RNF220: variants seen among roughly 807,000 people sequenced by gnomAD.
RNF220 encodes E3 ubiquitin-protein ligase RNF220.
In RNF220, 7 loss-of-function variants were observed where a neutral mutation model predicts 67.1. The observed-to-expected ratio is 0.10, with a 90% CI of 0.06 to 0.20. RNF220 has a LOEUF of 0.20. Among genes scored for constraint, RNF220 ranks in the 10% least tolerant of loss-of-function variants. The pLI is 1.00. For missense variants in RNF220, 565 were observed against 740.3 expected (o/e 0.76, Z 2.75); for synonymous variants, 270 against 283.2 (o/e 0.95, Z 0.47).
intron 2 of RNF220, among the ~76,000 whole-genome samples, chr1:44,512,727 G>T (rs187853338): frequency 6.6e-6 from 1 of 152,324 alleles, no homozygotes; most frequent in East Asian, 1.9e-4. Flanking sequence ...GAGTGGAGAG[G>T]CATGCTGGGC....
At chr1:44,474,600 T>C (rs751768742) in intron 2 of RNF220, among the ~76,000 whole-genome samples, 9 of 151,264 alleles carry the variant, frequency 5.9e-5, no homozygotes, top group Non-Finnish European at 1.0e-4. Context: ...TCCCAGCTAC[T>C]TGGGAAGCTG....
chr1:44,637,444 T>C lies in RNF220; in HGVS notation c.1126+1282T>C, dbSNP rs149561053. On this transcript the variant is annotated intron_variant, in intron 8 of 14. Coordinates refer to ENST00000361799, the MANE Select transcript of RNF220 (RefSeq NM_018150.4). ...GAGTGAGCAGCAGGGCTGACGACTG[T>C]CCCATGAGTTGGACACATGGGTGTC... Among the ~76,000 whole-genome samples, 12 of 152,346 alleles carry C rather than the reference T, an allele frequency of 7.9e-5. No individual in the cohort carries two copies. The Middle Eastern group carries it at 0.01, about 130-fold the overall frequency.
chr1:44,408,363 C>T (rs1647609986), intron 1 of RNF220, among the ~76,000 whole-genome samples: 1 of 152,330 alleles, frequency 6.6e-6, no homozygotes, highest in African/African-American at 2.4e-5. Flanking sequence ...ACACAGGCGT[C>T]GGCCCTAGCC....
intron 2 of RNF220, among the ~76,000 whole-genome samples, chr1:44,453,307 A>G (rs1434283811): frequency 2.0e-5 from 3 of 152,104 alleles, no homozygotes; most frequent in African/African-American, 4.8e-5. Flanking sequence ...GTCTTATTGC[A>G]CTAGTTAGGA....
At chr1:44,546,130 C>T (rs1224643567) in intron 2 of RNF220, among the ~76,000 whole-genome samples, 2 of 152,094 alleles carry the variant, frequency 1.3e-5, no homozygotes, top group East Asian at 1.9e-4. Context: ...AATAAGCACC[C>T]GAGATGACTC....
chr1:44,406,210 G>A (rs909277508), intron 1 of RNF220, among the ~76,000 whole-genome samples: 4 of 152,138 alleles, frequency 2.6e-5, no homozygotes, highest in African/African-American at 9.7e-5. Context: ...TTCCTAGCGG[G>A]GGCGGGTGTG....
chr1:44,412,217 C>A lies in RNF220; in HGVS notation c.120C>A (p.Ile40=). The change falls in exon 2 of 15, where the codon ATC becomes ATA. Residue 40 remains isoleucine, a synonymous_variant. Transcript: ENST00000361799. This position sits in a 1 kb window ranked among gnomAD's most constrained non-coding sequence, Gnocchi z 5.3. The part of the protein sequence containing the change: ...STAEASRDAS[I]PCQQPRPFGV... Reference sequence around the variant, plus strand: ...CTGAGGCCAGCCGTGATGCTTCCATCCCTTGTCAGCAGCCACGACCCTTTG... The same window carrying A: ...CTGAGGCCAGCCGTGATGCTTCCATACCTTGTCAGCAGCCACGACCCTTTG... 1 of 1,614,214 alleles carries A rather than the reference C, an allele frequency of 6.2e-7. No homozygotes were observed. The highest frequency in any genetic ancestry group is 8.5e-7 in the Non-Finnish European group (1 of 1,180,030).
At chr1:44,418,670 C>T (rs1227096477) in intron 2 of RNF220, among the ~76,000 whole-genome samples, 1 of 151,720 alleles carries the variant, frequency 6.6e-6, no homozygotes, top group African/African-American at 2.4e-5. Flanking sequence ...CACATTGTAT[C>T]CAAATAACAA....
intron 2 of RNF220, among the ~76,000 whole-genome samples, chr1:44,469,350 A>G (rs1234965534): frequency 6.6e-6 from 1 of 152,156 alleles, no homozygotes; most frequent in African/African-American, 2.4e-5. Context: ...TCTTTATGGT[A>G]CCCAGTGGAG....
Position 44,649,954 on chromosome 1 carries a change from C to A in RNF220, c.1626C>A (p.Thr542=), listed in dbSNP as rs770301928. The A allele has an allele frequency of 6.2e-7, 1 of 1,613,550 alleles. No individual in the cohort carries two copies. Among genetic ancestry groups the A allele is most frequent in the East Asian group, 2.2e-5 (1 of 44,876 alleles). ...ACTGCGAGGAGTGCTGGCTGCGGAC[C>A]CTGGTGAGGTGGCATGGGGGTCGGG... ...HVHCEECWLR[T]LGAKKLCPQC... is the part of the protein sequence containing the mutation. The change falls in exon 14 of 15, where the codon ACC becomes ACA. Residue 542 remains threonine (T), a synonymous_variant. Coordinates refer to ENST00000361799, the MANE Select transcript of RNF220 (RefSeq NM_018150.4). The surrounding 1 kb of genome is among the most constrained non-coding windows in gnomAD (Gnocchi z 5.9).
intron 2 of RNF220, among the ~76,000 whole-genome samples, chr1:44,504,497 A>G (rs940412559): frequency 6.6e-6 from 1 of 152,072 alleles, no homozygotes; most frequent in African/African-American, 2.4e-5. Context: ...GGGCTGATCC[A>G]GTATGGCAGG....
At chr1:44,411,192 G>A (rs140119639) in intron 1 of RNF220, among the ~76,000 whole-genome samples, 184 of 152,288 alleles carry the variant, frequency 1.2e-3, no homozygotes, top group Admixed American at 3.8e-3. Context: ...TCTAGAGAGC[G>A]TATGCCAAAG....
chr1:44,649,560 G>C lies in RNF220; in HGVS notation c.1446-101G>C, dbSNP rs976042840. 2 of 1,070,110 alleles carry C rather than the reference G, an allele frequency of 1.9e-6. No individual in the cohort carries two copies. The highest frequency in any genetic ancestry group is 2.9e-6 in the Non-Finnish European group (2 of 701,596). 66.3% of individuals were successfully genotyped at this position (1,070,110 alleles called of 1,614,324 possible). Reference sequence around the variant, plus strand: ...AAGGGGGCAGGCAGGGATGCCTAGGGGACATTTATGTATTTGGTTCTGGAA... The same window carrying C: ...AAGGGGGCAGGCAGGGATGCCTAGGCGACATTTATGTATTTGGTTCTGGAA... On this transcript the variant is annotated intron_variant, in intron 12 of 14. Coordinates refer to ENST00000361799, the MANE Select transcript of RNF220 (RefSeq NM_018150.4). This position sits in a 1 kb window ranked among gnomAD's most constrained non-coding sequence, Gnocchi z 5.9.
chr1:44,596,781 T>C (rs3911861), intron 2 of RNF220, among the ~76,000 whole-genome samples: 47,350 of 152,106 alleles, frequency 0.31, 7,683 homozygotes, highest in Non-Finnish European at 0.35. Flanking sequence ...CCTCCCATCA[T>C]TCCCAAATGC....
Position 44,417,415 on chromosome 1 carries a change from G to A in RNF220, c.625+4693G>A, listed in dbSNP as rs1309443360. On this transcript the variant is annotated intron_variant, in intron 2 of 14. Coordinates refer to ENST00000361799, the MANE Select transcript of RNF220 (RefSeq NM_018150.4). The surrounding 1 kb of genome is among the most constrained non-coding windows in gnomAD (Gnocchi z 4.0). ...AGCTAAAGTGGGGCCAGGCTGGACG[G>A]GAGCAGTCCCTGATGGCTGCAGAGC... Among the ~76,000 whole-genome samples the A allele has an allele frequency of 6.6e-6, 1 of 152,166 alleles. No individual in the cohort carries two copies. Among genetic ancestry groups the A allele is most frequent in the Non-Finnish European group, 1.5e-5 (1 of 68,010 alleles).
rs909695496 is a variant in RNF220 at position 44,530,159 on chromosome 1, A to G, written c.626-84006A>G. On this transcript the variant is annotated intron_variant, in intron 2 of 14. Transcript: ENST00000361799. ...CTAACAAAAGTTGCATGAGTATAGC[A>G]TTTATGATCAGACGAACCATATTCA... Among the ~76,000 whole-genome samples the G allele has an allele frequency of 2.6e-5, 4 of 152,240 alleles. No individual in the cohort carries two copies. In the South Asian group the frequency reaches 6.2e-4, roughly 24 times the overall value.
chr1:44,560,007 C>G (rs1663438549), intron 2 of RNF220, among the ~76,000 whole-genome samples: 1 of 152,204 alleles, frequency 6.6e-6, no homozygotes, highest in African/African-American at 2.4e-5. Flanking sequence ...CCTTCAGCAC[C>G]TCCCGGCTCT....
chr1:44,430,550 AT>A (rs1209848918), intron 2 of RNF220, among the ~76,000 whole-genome samples: 2 of 152,010 alleles, frequency 1.3e-5, no homozygotes, highest in Admixed American at 1.3e-4. Context: ...ATTTATTTTT[AT>A]TTTTTATTTT....
At chr1:44,638,283 C>G (rs764669995) in intron 8 of RNF220, 1 of 152,174 alleles carries the variant, frequency 6.6e-6, no homozygotes, top group African/African-American at 2.4e-5. Context: ...GATTGAAAGG[C>G]AGTTAAAATG....
Sources: allele counts gnomAD v4.1 joint callset (sites outside exome capture counted in the v4.1 genomes callset), GRCh38; gene constraint gnomAD v4.1.1; non-coding constraint Gnocchi (gnomAD v3.1); transcripts MANE v1.5; gene names NCBI Gene and HGNC (gene_info 2026-07-23, HGNC 2026-07-21).